The following ZNF212 variants were observed in gnomAD, a reference collection of about 807,000 sequenced individuals.
ZNF212 encodes the protein zinc finger protein 212, also known as Zinc finger protein C2H2-150.
ZNF212 carries 32 observed loss-of-function variants against 47.3 expected under a neutral mutation model. The observed-to-expected ratio is 0.68, with a 90% CI of 0.51 to 0.91. ZNF212 has a LOEUF of 0.91. ZNF212 is among the 40% of genes least tolerant of loss of function. The probability of loss-of-function intolerance (pLI) is 0.00; values close to 1 mark genes in which losing one functional copy is unlikely to be tolerated. For synonymous variants in ZNF212, 242 were observed against 253.8 expected (o/e 0.95, Z 0.44); for missense variants, 555 against 622.8 (o/e 0.89, Z 1.16).
Position 149,253,602 on chromosome 7 carries a change from A to G in ZNF212, c.675A>G (p.Glu225=), listed in dbSNP as rs756438109. The G allele has an allele frequency of 6.2e-7, 1 of 1,613,896 alleles. No homozygotes were observed. The highest frequency in any genetic ancestry group is 1.1e-5 in the South Asian group (1 of 91,086). Residue 225 remains glutamate, a synonymous_variant, in exon 5 of 5, where the codon GAA becomes GAG. Coordinates refer to ENST00000335870, the MANE Select transcript of ZNF212 (RefSeq NM_012256.4). ...AACAGGAGCTACAGTATACACAGGA[A>G]GGCCCTGCGGATCTTCCTGGAGAGT... ...MIKQELQYTQ[E]GPADLPGEFS...
At chr7:149,241,965 C>T (rs965067762) in intron 1 of ZNF212, among the ~76,000 whole-genome samples, 4 of 151,672 alleles carry the variant, frequency 2.6e-5, no homozygotes, top group Non-Finnish European at 4.4e-5. Flanking sequence ...CGTGAGCCAC[C>T]GTGCCTGGCC....
rs1372972890 is a variant in ZNF212 at position 149,250,818 on chromosome 7, G to T, written c.541+11G>T. On this transcript the variant is annotated intron_variant, in intron 3 of 4. Coordinates refer to ENST00000335870, the MANE Select transcript of ZNF212 (RefSeq NM_012256.4). Reference sequence around the variant, plus strand: ...CACTGGTCTCTCTGAGTGAGTAGCAGTTTTCTCCCTAGAATTCTGTCTCAG... The same window carrying T: ...CACTGGTCTCTCTGAGTGAGTAGCATTTTTCTCCCTAGAATTCTGTCTCAG... 2.5e-6 allele frequency: 4 copies of T among 1,613,986 alleles called. No individual in the cohort carries two copies. In the East Asian group the frequency reaches 6.7e-5, roughly 27 times the overall value.
chr7:149,248,474 G>A (rs1226041309), intron 1 of ZNF212, among the ~76,000 whole-genome samples: 1 of 152,126 alleles, frequency 6.6e-6, no homozygotes, highest in African/African-American at 2.4e-5. Flanking sequence ...CCATTGACTG[G>A]TTCGTGAACA....
At chr7:149,240,027 G>T (rs748369756) in intron 1 of ZNF212, 5 of 456,372 alleles carry the variant, frequency 1.1e-5, no homozygotes, top group African/African-American at 2.0e-5. Context: ...GTGCGCCCTT[G>T]CCCAGAAACT....
At chr7:149,242,006 T>C (rs1202428) in intron 1 of ZNF212, among the ~76,000 whole-genome samples, 62,628 of 148,542 alleles carry the variant, frequency 0.42, 13,651 homozygotes, top group African/African-American at 0.51. Flanking sequence ...TCTTTTCTTC[T>C]TTTTCTTTTC....
rs77625286 is a variant in ZNF212, at chr7:149,243,913, G to A, written c.24+4111G>A. On this transcript the variant is annotated intron_variant, in intron 1 of 4. Coordinates refer to ENST00000335870, the MANE Select transcript of ZNF212 (RefSeq NM_012256.4). ...TTGAAATGTTAGCTAGTATGATTGAGGAACTGAGTTTTAAATTTTATTTAT... is the reference window on the plus strand; with the variant it reads ...TTGAAATGTTAGCTAGTATGATTGAAGAACTGAGTTTTAAATTTTATTTAT... Among the ~76,000 whole-genome samples the A allele has an allele frequency of 5.6e-3, 859 of 152,226 alleles. 12 individuals carry two copies. Among genetic ancestry groups the A allele is most frequent in the African/African-American group, 0.02 (813 of 41,530 alleles).
intron 1 of ZNF212, among the ~76,000 whole-genome samples, chr7:149,249,531 C>T (rs1215408669): frequency 1.3e-5 from 2 of 151,970 alleles, no homozygotes; most frequent in Non-Finnish European, 1.5e-5. Context: ...GCATAGGTAA[C>T]AGAACATACA....
At position 149,254,343 on chromosome 7, in the gene ZNF212, G is replaced by A. The variant is rs747485054; in HGVS notation, c.1416G>A (p.Gln472=). Residue 472 remains glutamine (Q), a synonymous_variant, in exon 5 of 5, where the codon CAG becomes CAA. Transcript: ENST00000335870. The surrounding 1 kb of genome is among the most constrained non-coding windows in gnomAD (Gnocchi z 4.5). ...TTGTCCAGAAGCAGCACCTCCTGCAGCACCAGAAGATCCACCAGCGGGAGC... is the reference window on the plus strand; with the variant it reads ...TTGTCCAGAAGCAGCACCTCCTGCAACACCAGAAGATCCACCAGCGGGAGC... ...KSFVQKQHLL[Q]HQKIHQRERG... 6.2e-7 allele frequency: 1 copy of A among 1,612,322 alleles called. No individual in the cohort carries two copies. Among genetic ancestry groups the A allele is most frequent in the South Asian group, 1.1e-5 (1 of 91,092 alleles).
chr7:149,247,118 T>C lies in ZNF212; in HGVS notation c.25-3041T>C, dbSNP rs185790345. On this transcript the variant is annotated intron_variant, in intron 1 of 4. Coordinates refer to ENST00000335870, the MANE Select transcript of ZNF212 (RefSeq NM_012256.4). The stretch of plus-strand genomic sequence containing the variant: ...TGAGCCACCATGCCCGGCCCTTCTT[T>C]TTTTTTTTTTTAAGTGGTCTTACTT... Among the ~76,000 whole-genome samples the C allele has an allele frequency of 5.6e-3, 846 of 150,986 alleles. 10 individuals carry two copies. Among genetic ancestry groups the C allele is most frequent in the African/African-American group, 0.02 (801 of 40,986 alleles).
At chr7:149,245,013 A>C (rs978565129) in intron 1 of ZNF212, among the ~76,000 whole-genome samples, 6 of 152,194 alleles carry the variant, frequency 3.9e-5, no homozygotes, top group African/African-American at 1.4e-4. Context: ...GTTGGAATAG[A>C]TACCTAGGGA....
rs533360225 is a variant in ZNF212, at chr7:149,247,396, G to A, written c.25-2763G>A. Among the ~76,000 whole-genome samples, 5 of 152,240 alleles carry A rather than the reference G, an allele frequency of 3.3e-5. 1 individual carries two copies. The South Asian group carries it at 1.0e-3, about 32-fold the overall frequency. On this transcript the variant is annotated intron_variant, in intron 1 of 4. Transcript: ENST00000335870. ...GTTGGGATTATAGGTATGAGCCACCGTGCCTGACCTTTGTCTGATTCCCGT... is the reference window on the plus strand; with the variant it reads ...GTTGGGATTATAGGTATGAGCCACCATGCCTGACCTTTGTCTGATTCCCGT...
At chr7:149,244,594 T>A (rs1796651014) in intron 1 of ZNF212, among the ~76,000 whole-genome samples, 1 of 152,216 alleles carries the variant, frequency 6.6e-6, no homozygotes. Flanking sequence ...ATTATGGGCG[T>A]GAGCCACTGC....
At chr7:149,251,910 G>C (rs1796765937) in intron 3 of ZNF212, among the ~76,000 whole-genome samples, 1 of 144,180 alleles carries the variant, frequency 6.9e-6, no homozygotes, top group East Asian at 2.0e-4. Flanking sequence ...TTCGAAATCA[G>C]CCTGGTCGAC....
Position 149,254,127 on chromosome 7 carries a change from G to T in ZNF212, c.1200G>T (p.Gln400His), listed in dbSNP as rs1354521929. 3 of 1,613,804 alleles carry T rather than the reference G, an allele frequency of 1.9e-6. No individual in the cohort carries two copies. Among genetic ancestry groups the T allele is most frequent in the Non-Finnish European group, 2.5e-6 (3 of 1,179,914 alleles). ...CHLQEGPSAG[Q>H]HVQERFSPNS... Reference sequence around the variant, plus strand: ...TGCAGGAGGGGCCCAGTGCCGGCCAGCATGTCCAAGAGAGGTTCTCACCCA... The same window carrying T: ...TGCAGGAGGGGCCCAGTGCCGGCCATCATGTCCAAGAGAGGTTCTCACCCA... The change falls in exon 5 of 5, where the codon CAG becomes CAT. Residue 400 changes from glutamine (Q) to histidine (H), a missense_variant. Gln to His is a conservative substitution (Grantham distance 24). Coordinates refer to ENST00000335870, the MANE Select transcript of ZNF212 (RefSeq NM_012256.4). The surrounding 1 kb of genome is among the most constrained non-coding windows in gnomAD (Gnocchi z 4.5).
At chr7:149,241,312 G>A (rs1376765847) in intron 1 of ZNF212, among the ~76,000 whole-genome samples, 2 of 151,610 alleles carry the variant, frequency 1.3e-5, no homozygotes, top group African/African-American at 4.9e-5. Context: ...GGTGCCTGTA[G>A]ACCCAGCTAC....
chr7:149,245,671 A>G (rs1015513154), intron 1 of ZNF212, among the ~76,000 whole-genome samples: 2 of 151,874 alleles, frequency 1.3e-5, no homozygotes, highest in East Asian at 1.9e-4. Context: ...ATGCCTGGCT[A>G]ATTTTATTGT....
intron 1 of ZNF212, among the ~76,000 whole-genome samples, chr7:149,242,083 C>A (rs1165881672): frequency 7.2e-6 from 1 of 138,486 alleles, no homozygotes; most frequent in Non-Finnish European, 1.5e-5. Flanking sequence ...TGCAGTGGAG[C>A]AATCTTGGCT....
chr7:149,251,941 T>TAA (rs36067111), intron 3 of ZNF212, among the ~76,000 whole-genome samples: 5,649 of 109,414 alleles, frequency 0.052, 211 homozygotes, highest in Non-Finnish European at 0.075. Flanking sequence ...CTCTGTTGCT[T>TAA]AAAAAAAAAA....
At chr7:149,239,928 G>A (rs1467673124) in intron 1 of ZNF212, 126 bp downstream of exon 1, 10 of 1,123,472 alleles carry the variant, frequency 8.9e-6, no homozygotes, top group Non-Finnish European at 1.0e-5. Flanking sequence ...GTTGGCGCGG[G>A]TGAACGCGGA....
Sources: gnomAD v4.1 joint callset for allele counts (sites outside exome capture counted in the v4.1 genomes callset) on GRCh38, gnomAD v4.1.1 for gene constraint, Gnocchi (gnomAD v3.1) non-coding constraint, MANE v1.5 for transcripts, NCBI Gene and HGNC (gene_info 2026-07-23, HGNC 2026-07-21) for gene names.